The following FUCA2 variants were observed in gnomAD, a reference collection of about 807,000 sequenced individuals.
FUCA2 encodes plasma alpha-L-fucosidase.
A neutral mutation model predicts 52.6 loss-of-function variants in FUCA2; 41 were observed. That is an observed-to-expected ratio of 0.78 (90% CI 0.61 to 1.01). FUCA2 has a LOEUF of 1.01. Ranked by LOEUF, FUCA2 falls within the 50% of genes least tolerant of loss-of-function variation. The pLI is 0.00. For missense variants in FUCA2, 507 were observed against 569.5 expected (o/e 0.89, Z 1.12); for synonymous variants, 211 against 217.3 (o/e 0.97, Z 0.26).
At position 143,501,858 on chromosome 6, in the gene FUCA2, C is replaced by G. The variant is rs905531923; in HGVS notation, c.1154+74G>C. The G allele has an allele frequency of 1.5e-6, 2 of 1,340,360 alleles. No individual in the cohort carries two copies. The highest frequency in any genetic ancestry group is 2.1e-6 in the Non-Finnish European group (2 of 974,790). The allele number at this position is 1,340,360 out of a possible 1,614,324, so 83.0% of individuals were successfully genotyped here. ...TCATCCAATTTCTCTTTTTATCCTA[C>G]TCTTCTTTATATGTCTGATAAATTT... On this transcript the variant is annotated intron_variant, in intron 5 of 6. Coordinates refer to ENST00000002165, the MANE Select transcript of FUCA2 (RefSeq NM_032020.5). The surrounding 1 kb of genome is among the most constrained non-coding windows in gnomAD (Gnocchi z 6.1).
In FUCA2 at chr6:143,502,343, A is replaced by G; in HGVS notation, c.963+12T>C. On this transcript the variant is annotated intron_variant, in intron 4 of 6. Transcript: ENST00000002165. The surrounding 1 kb of genome is among the most constrained non-coding windows in gnomAD (Gnocchi z 4.1). ...AATATTATGTTAATAGCCACCAGAC[A>G]TTTCACTGTACCTTCACCAATTCTT... 1 of 1,611,354 alleles carries G rather than the reference A, an allele frequency of 6.2e-7. No individual in the cohort carries two copies. The highest frequency in any genetic ancestry group is 1.1e-5 in the South Asian group (1 of 90,902).
At position 143,495,683 on chromosome 6, in the gene FUCA2, C is replaced by G; in HGVS notation, c.*24G>C. ...AGTTCCTAGCCTTAGACATAACTTGCAGCATCAGCCACTCTGCTGCACTTT... is the reference window on the plus strand; with the variant it reads ...AGTTCCTAGCCTTAGACATAACTTGGAGCATCAGCCACTCTGCTGCACTTT... On this transcript the variant is annotated 3_prime_UTR_variant, in exon 7 of 7. Transcript: ENST00000002165. The surrounding 1 kb of genome is among the most constrained non-coding windows in gnomAD (Gnocchi z 5.2). 6.3e-7 allele frequency: 1 copy of G among 1,599,510 alleles called. No individual in the cohort carries two copies. The highest frequency in any genetic ancestry group is 1.7e-5 in the Admixed American group (1 of 59,574).
Position 143,495,893 on chromosome 6 carries a change from T to C in FUCA2, c.1264-46A>G, listed in dbSNP as rs758762284. On this transcript the variant is annotated intron_variant, in intron 6 of 6. Coordinates refer to ENST00000002165, the MANE Select transcript of FUCA2 (RefSeq NM_032020.5). The surrounding 1 kb of genome is among the most constrained non-coding windows in gnomAD (Gnocchi z 5.2). ...GCAAATGTCTCCAAATTTATCTCTTTATCTCACCCACTTTCTATTGGGAAG... is the reference window on the plus strand; with the variant it reads ...GCAAATGTCTCCAAATTTATCTCTTCATCTCACCCACTTTCTATTGGGAAG... 36 of 1,595,334 alleles carry C rather than the reference T, an allele frequency of 2.3e-5. No homozygotes were observed. The South Asian group carries it at 3.9e-4, about 17-fold the overall frequency.
Position 143,502,235 on chromosome 6 carries a change from C to A in FUCA2, c.964-113G>T. 7.5e-7 allele frequency: 1 copy of A among 1,338,816 alleles called. No homozygotes were observed. Among genetic ancestry groups the A allele is most frequent in the Non-Finnish European group, 1.0e-6 (1 of 969,496 alleles). 82.9% of individuals were successfully genotyped at this position (1,338,816 alleles called of 1,614,324 possible). A position where few individuals can be genotyped will look rare whatever the true frequency, so the allele number is the denominator to read the frequency against. On this transcript the variant is annotated intron_variant, in intron 4 of 6. Transcript: ENST00000002165. The surrounding 1 kb of genome is among the most constrained non-coding windows in gnomAD (Gnocchi z 4.1). Reference sequence around the variant, plus strand: ...TATATATAGTCACTGCCTAGAAGAACAAACACAGGATAGAACAATGTCCTA... The same window carrying A: ...TATATATAGTCACTGCCTAGAAGAAAAAACACAGGATAGAACAATGTCCTA...
In FUCA2 at chr6:143,495,753, A is replaced by C; in HGVS notation, c.1358T>G (p.Met453Arg). ...TAGAGCCCAGCCCCATTTACACGGC[A>C]TCTGATGAATGGTTAGCTGTGGCAG... ...VELPQLTIHQMPCKWGWALAL... is the reference protein window; with the variant it reads ...VELPQLTIHQRPCKWGWALAL... The change falls in exon 7 of 7, where the codon ATG becomes AGG. Residue 453 changes from methionine to arginine, a missense_variant. Transcript: ENST00000002165. The surrounding 1 kb of genome is among the most constrained non-coding windows in gnomAD (Gnocchi z 5.2). 1 of 1,614,120 alleles carries C rather than the reference A, an allele frequency of 6.2e-7. No homozygotes were observed. The highest frequency in any genetic ancestry group is 8.5e-7 in the Non-Finnish European group (1 of 1,179,972).
rs966244391 is a variant in FUCA2 at position 143,499,171 on chromosome 6, G to A, written c.1155-1674C>T. ...AAATGCTGAGTAGGAAGTTATTGAG[G>A]CTGGAGTTCGGAAAGAGGTCTGCAC... On this transcript the variant is annotated intron_variant, in intron 5 of 6. Coordinates refer to ENST00000002165, the MANE Select transcript of FUCA2 (RefSeq NM_032020.5). The surrounding 1 kb of genome is among the most constrained non-coding windows in gnomAD (Gnocchi z 6.0). 4.6e-5 allele frequency among the ~76,000 whole-genome samples: 7 copies of A among 152,206 alleles called. No individual in the cohort carries two copies. Among genetic ancestry groups the A allele is most frequent in the African/African-American group, 1.7e-4 (7 of 41,438 alleles).
chr6:143,511,338 C>T lies in FUCA2; in HGVS notation c.224+73G>A, dbSNP rs572818814. 2 of 1,416,082 alleles carry T rather than the reference C, an allele frequency of 1.4e-6. No homozygotes were observed. The highest frequency in any genetic ancestry group is 1.4e-5 in the African/African-American group (1 of 69,326). The allele number at this position is 1,416,082 out of a possible 1,614,324, so 87.7% of individuals were successfully genotyped here. On this transcript the variant is annotated intron_variant, in intron 1 of 6. Coordinates refer to ENST00000002165, the MANE Select transcript of FUCA2 (RefSeq NM_032020.5). This position sits in a 1 kb window ranked among gnomAD's most constrained non-coding sequence, Gnocchi z 6.3. ...GGCAGCACCAGGCGGCGAACCAGGCCCGCTGGGTGGTGGCTGGAGGCTGCG... is the reference window on the plus strand; with the variant it reads ...GGCAGCACCAGGCGGCGAACCAGGCTCGCTGGGTGGTGGCTGGAGGCTGCG...
Position 143,511,276 on chromosome 6 carries a change from G to C in FUCA2, c.224+135C>G. 1 of 707,182 alleles carries C rather than the reference G, an allele frequency of 1.4e-6. No homozygotes were observed. The highest frequency in any genetic ancestry group is 2.3e-5 in the South Asian group (1 of 42,570). The allele number at this position is 707,182 out of a possible 1,614,324, so 43.8% of individuals were successfully genotyped here. Reference sequence around the variant, plus strand: ...TTCGACACCCGGAAGTGCGAAACGCGGGTAACGCAGTGGGAGGTGAAACCG... The same window carrying C: ...TTCGACACCCGGAAGTGCGAAACGCCGGTAACGCAGTGGGAGGTGAAACCG... On this transcript the variant is annotated intron_variant, in intron 1 of 6. Coordinates refer to ENST00000002165, the MANE Select transcript of FUCA2 (RefSeq NM_032020.5). The surrounding 1 kb of genome is among the most constrained non-coding windows in gnomAD (Gnocchi z 6.3).
Position 143,504,376 on chromosome 6 carries a change from G to T in FUCA2, c.413-124C>A. Reference sequence around the variant, plus strand: ...TATATAAATACCTGCTCCTACAAATGACTGTTTTATGGCCATTTTTTCATA... The same window carrying T: ...TATATAAATACCTGCTCCTACAAATTACTGTTTTATGGCCATTTTTTCATA... On this transcript the variant is annotated intron_variant, in intron 2 of 6. Transcript: ENST00000002165. This position sits in a 1 kb window ranked among gnomAD's most constrained non-coding sequence, Gnocchi z 4.4. 1.2e-6 allele frequency: 1 copy of T among 806,164 alleles called. No homozygotes were observed. The highest frequency in any genetic ancestry group is 1.9e-6 in the Non-Finnish European group (1 of 516,078). The allele number at this position is 806,164 out of a possible 1,614,324, so 49.9% of individuals were successfully genotyped here. A position where few individuals can be genotyped will look rare whatever the true frequency, so the allele number is the denominator to read the frequency against.
In FUCA2 at chr6:143,501,560, G is replaced by T. The variant is rs900225859; in HGVS notation, c.1154+372C>A. On this transcript the variant is annotated intron_variant, in intron 5 of 6. Coordinates refer to ENST00000002165, the MANE Select transcript of FUCA2 (RefSeq NM_032020.5). The surrounding 1 kb of genome is among the most constrained non-coding windows in gnomAD (Gnocchi z 6.1). Reference sequence around the variant, plus strand: ...CTCTTGTTTGCTAATTTCATGGGATGCAACATCTGCAAAAGTCAGAATTTA... The same window carrying T: ...CTCTTGTTTGCTAATTTCATGGGATTCAACATCTGCAAAAGTCAGAATTTA... Among the ~76,000 whole-genome samples, 10 of 152,120 alleles carry T rather than the reference G, an allele frequency of 6.6e-5. No homozygotes were observed. The highest frequency in any genetic ancestry group is 2.0e-4 in the Admixed American group (3 of 15,264).
rs914430617 is a variant in FUCA2, at chr6:143,500,890, C to T, written c.1154+1042G>A. On this transcript the variant is annotated intron_variant, in intron 5 of 6. Coordinates refer to ENST00000002165, the MANE Select transcript of FUCA2 (RefSeq NM_032020.5). The surrounding 1 kb of genome is among the most constrained non-coding windows in gnomAD (Gnocchi z 6.9). ...TGATGAACCCTGGGGGAAGAAGGCT[C>T]CTATGGTGAGGAGGGAGAGCAGGAC... 6.6e-6 allele frequency among the ~76,000 whole-genome samples: 1 copy of T among 151,944 alleles called. No individual in the cohort carries two copies. The highest frequency in any genetic ancestry group is 1.5e-5 in the Non-Finnish European group (1 of 67,984).
chr6:143,502,718 C>T lies in FUCA2; in HGVS notation c.753-153G>A. On this transcript the variant is annotated intron_variant, in intron 3 of 6. Transcript: ENST00000002165. This position sits in a 1 kb window ranked among gnomAD's most constrained non-coding sequence, Gnocchi z 4.1. ...GCCCATGGTTTTGAAGTCAAACAGA[C>T]CTGAGTTGATTGGAGTTCTGGCTTT... The T allele has an allele frequency of 1.5e-6, 1 of 652,758 alleles. No homozygotes were observed. Among genetic ancestry groups the T allele is most frequent in the Non-Finnish European group, 2.5e-6 (1 of 394,736 alleles). The allele number at this position is 652,758 out of a possible 1,614,324, so 40.4% of individuals were successfully genotyped here.
rs1379326301 is a variant in FUCA2 at position 143,502,350 on chromosome 6, T to G, written c.963+5A>C. 6.2e-7 allele frequency: 1 copy of G among 1,612,776 alleles called. No individual in the cohort carries two copies. Among genetic ancestry groups the G allele is most frequent in the East Asian group, 2.2e-5 (1 of 44,886 alleles). On this transcript the variant is annotated splice_donor_5th_base_variant and intron_variant, in intron 4 of 6. Coordinates refer to ENST00000002165, the MANE Select transcript of FUCA2 (RefSeq NM_032020.5). This position sits in a 1 kb window ranked among gnomAD's most constrained non-coding sequence, Gnocchi z 4.1. ...TGTTAATAGCCACCAGACATTTCAC[T>G]GTACCTTCACCAATTCTTCAATTGT...
In FUCA2 at chr6:143,509,261, G is replaced by A. The variant is rs1176108199; in HGVS notation, c.225-1837C>T. On this transcript the variant is annotated intron_variant, in intron 1 of 6. Coordinates refer to ENST00000002165, the MANE Select transcript of FUCA2 (RefSeq NM_032020.5). This position sits in a 1 kb window ranked among gnomAD's most constrained non-coding sequence, Gnocchi z 5.4. ...ACAGTCACATATACTCATCTATACT[G>A]TTGATTCCCCGAAAGTCAAATTGAG... Among the ~76,000 whole-genome samples, 1 of 152,116 alleles carries A rather than the reference G, an allele frequency of 6.6e-6. No individual in the cohort carries two copies. The highest frequency in any genetic ancestry group is 1.5e-5 in the Non-Finnish European group (1 of 68,032).
In FUCA2 at chr6:143,502,402, T is replaced by TATAG; in HGVS notation, c.915_916insCTAT (p.Arg306LeufsTer2). On this transcript the variant is annotated frameshift_variant, in exon 4 of 7. Transcript: ENST00000002165. LOFTEE classifies it high-confidence loss of function. This position sits in a 1 kb window ranked among gnomAD's most constrained non-coding sequence, Gnocchi z 4.1. ...AGATAGTCAGAGATTCCAGCTTCCC[T>TATAG]CCTATAGCCCCAGGACAGTTTGTCT... The TATAG allele has an allele frequency of 6.2e-7, 1 of 1,614,006 alleles. No individual in the cohort carries two copies. Among genetic ancestry groups the TATAG allele is most frequent in the Non-Finnish European group, 8.5e-7 (1 of 1,179,954 alleles).
At chr6:143,506,651 A>G (rs1244279105) in intron 2 of FUCA2, 1 of 152,144 alleles carries the variant, frequency 6.6e-6, no homozygotes, top group African/African-American at 2.4e-5. Context: ...ATGGATTTTA[A>G]ATGTGTGGGG....
chr6:143,504,239 C>T lies in FUCA2; in HGVS notation c.426G>A (p.Trp142Ter). 4.3e-6 allele frequency: 7 copies of T among 1,612,360 alleles called. No individual in the cohort carries two copies. The highest frequency in any genetic ancestry group is 5.9e-6 in the Non-Finnish European group (7 of 1,179,188). ...TSKHHEGFTL[W>*]GSEYSWNWNA... ...TCCAGTTCCACGAATATTCTGACCCCCACAAGGTAAAGCCTAGAAAATTAT... is the reference window on the plus strand; with the variant it reads ...TCCAGTTCCACGAATATTCTGACCCTCACAAGGTAAAGCCTAGAAAATTAT... The change falls in exon 3 of 7, where the codon TGG (tryptophan) becomes TGA (stop). Residue 142 changes from tryptophan to a stop codon, truncating the protein, a stop_gained. Coordinates refer to ENST00000002165, the MANE Select transcript of FUCA2 (RefSeq NM_032020.5). LOFTEE classifies it high-confidence loss of function. This position sits in a 1 kb window ranked among gnomAD's most constrained non-coding sequence, Gnocchi z 4.4.
rs1780505104 is a variant in FUCA2, at chr6:143,499,589, T to C, written c.1155-2092A>G. Among the ~76,000 whole-genome samples, 1 of 151,586 alleles carries C rather than the reference T, an allele frequency of 6.6e-6. No homozygotes were observed. Among genetic ancestry groups the C allele is most frequent in the African/African-American group, 2.4e-5 (1 of 41,198 alleles). The stretch of plus-strand genomic sequence containing the variant: ...CTCAGGGCACTTCAAGATTTAGAGG[T>C]TGGAAAAATGAGATGAAATCAGCAA... On this transcript the variant is annotated intron_variant, in intron 5 of 6. Transcript: ENST00000002165. This position sits in a 1 kb window ranked among gnomAD's most constrained non-coding sequence, Gnocchi z 6.0.
At position 143,502,935 on chromosome 6, in the gene FUCA2, A is replaced by T. The variant is rs543440236; in HGVS notation, c.753-370T>A. The stretch of plus-strand genomic sequence containing the variant: ...TATTGTAAATGGTAGCCAAAACTGA[A>T]TTTATACCCAAGACACTTTTCTTTT... On this transcript the variant is annotated intron_variant, in intron 3 of 6. Coordinates refer to ENST00000002165, the MANE Select transcript of FUCA2 (RefSeq NM_032020.5). The surrounding 1 kb of genome is among the most constrained non-coding windows in gnomAD (Gnocchi z 4.1). The T allele has an allele frequency of 5.9e-6, 1 of 170,546 alleles. No individual in the cohort carries two copies. Among genetic ancestry groups the T allele is most frequent in the African/African-American group, 2.4e-5 (1 of 41,900 alleles). The allele number at this position is 170,546 out of a possible 1,614,324, so 10.6% of individuals were successfully genotyped here. A position where few individuals can be genotyped will look rare whatever the true frequency, so the allele number is the denominator to read the frequency against.
Sources: allele counts gnomAD v4.1 joint callset (sites outside exome capture counted in the v4.1 genomes callset), GRCh38; gene constraint gnomAD v4.1.1; non-coding constraint Gnocchi (gnomAD v3.1); transcripts MANE v1.5; gene names NCBI Gene and HGNC (gene_info 2026-07-23, HGNC 2026-07-21).